The following PAK2 variants were observed in gnomAD, a reference collection of about 807,000 sequenced individuals.
PAK2 encodes the protein p21 (RAC1) activated kinase 2.
In PAK2, 21 loss-of-function variants were observed where a neutral mutation model predicts 65.9. That is an observed-to-expected ratio of 0.32 (90% CI 0.23 to 0.46). The LOEUF is 0.46. Ranked by LOEUF, PAK2 falls within the 20% of genes least tolerant of loss-of-function variation. PAK2 has a pLI of 1.00. For missense variants in PAK2, 324 were observed against 642.6 expected, an observed-to-expected ratio of 0.50 and a Z score of 5.36; for synonymous variants, 204 against 219.7, an observed-to-expected ratio of 0.93 and a Z score of 0.63.
intron 4 of PAK2, among the ~76,000 whole-genome samples, chr3:196,804,914 C>T (rs1471370546): frequency 6.6e-6 from 1 of 151,190 alleles, no homozygotes; most frequent in Non-Finnish European, 1.5e-5. Flanking sequence ...AAAAACAAAA[C>T]AATGTCAGAA....
intron 1 of PAK2, among the ~76,000 whole-genome samples, chr3:196,766,438 C>T (rs550213165): frequency 7.1e-4 from 108 of 152,208 alleles, no homozygotes; most frequent in African/African-American, 2.2e-3. Flanking sequence ...AAGAACAGAA[C>T]CAGTGCCAAT....
At chr3:196,759,498 G>GTTTTTGTTTTTTTT (rs1713882169) in intron 1 of PAK2, among the ~76,000 whole-genome samples, 1 of 108,104 alleles carries the variant, frequency 9.3e-6, no homozygotes, top group African/African-American at 3.6e-5. Context: ...GGTTTTTTTT[G>GTTTTTGTTTTTTTT]TTTTTTTTTT....
intron 1 of PAK2, among the ~76,000 whole-genome samples, chr3:196,763,841 T>C (rs1714065813): frequency 6.6e-6 from 1 of 152,164 alleles, no homozygotes; most frequent in Non-Finnish European, 1.5e-5. Context: ...TCACCCAGGC[T>C]GGAGTGCAGT....
In PAK2 at chr3:196,791,480, C is replaced by T. The variant is rs1452350722; in HGVS notation, c.187+8647C>T. On this transcript the variant is annotated intron_variant, in intron 2 of 14. Transcript: ENST00000327134. This position sits in a 1 kb window ranked among gnomAD's most constrained non-coding sequence, Gnocchi z 4.0. ...TTAATATATTTCTCTAAACTCTTAA[C>T]GTTTCCAAGTTGAAGAATATGACTA... Among the ~76,000 whole-genome samples, 3 of 152,106 alleles carry T rather than the reference C, an allele frequency of 2.0e-5. No homozygotes were observed. Among genetic ancestry groups the T allele is most frequent in the Non-Finnish European group, 2.9e-5 (2 of 68,036 alleles).
intron 13 of PAK2, among the ~76,000 whole-genome samples, chr3:196,822,510 G>T (rs145377139): frequency 1.2e-3 from 188 of 152,220 alleles, no homozygotes; most frequent in African/African-American, 4.3e-3. Context: ...GCAACATAGT[G>T]AGTCCCCATC....
intron 14 of PAK2, 51 bp downstream of exon 14, chr3:196,827,384 C>A: frequency 1.3e-6 from 2 of 1,573,176 alleles, no homozygotes; most frequent in Admixed American, 3.8e-5. Context: ...TTTTTGGTAA[C>A]CGACAGAAAG....
In PAK2 at chr3:196,791,225, CTT is replaced by C. The variant is rs1169316625; in HGVS notation, c.187+8396_187+8397del. Among the ~76,000 whole-genome samples the C allele has an allele frequency of 1.3e-5, 2 of 152,102 alleles. No individual in the cohort carries two copies. Among genetic ancestry groups the C allele is most frequent in the African/African-American group, 4.8e-5 (2 of 41,436 alleles). On this transcript the variant is annotated intron_variant, in intron 2 of 14. Transcript: ENST00000327134. The surrounding 1 kb of genome is among the most constrained non-coding windows in gnomAD (Gnocchi z 4.0). ...TTCAATTCCAGACATGCTTTAGTATCTTTTTGTTTTAGACACTGTTTCTAATA... is the reference window on the plus strand; with the variant it reads ...TTCAATTCCAGACATGCTTTAGTATCTTTGTTTTAGACACTGTTTCTAATA...
At chr3:196,826,038 G>A (rs528503180) in intron 13 of PAK2, among the ~76,000 whole-genome samples, 7 of 150,548 alleles carry the variant, frequency 4.6e-5, no homozygotes, top group East Asian at 2.0e-4. Context: ...TTTTAGTAGC[G>A]ATGGGGTTTT....
At chr3:196,759,253 A>G (rs1278013072) in intron 1 of PAK2, among the ~76,000 whole-genome samples, 4 of 152,068 alleles carry the variant, frequency 2.6e-5, no homozygotes, top group Admixed American at 6.6e-5. Context: ...TTATTTCTAG[A>G]ACTCTTCTTT....
chr3:196,764,511 C>T (rs1313684681), intron 1 of PAK2, among the ~76,000 whole-genome samples: 2 of 151,144 alleles, frequency 1.3e-5, no homozygotes, highest in South Asian at 2.1e-4. Context: ...CCCAGCTACT[C>T]GGGAGGCTGA....
chr3:196,742,877 G>C (rs1374814508), intron 1 of PAK2, among the ~76,000 whole-genome samples: 3 of 152,150 alleles, frequency 2.0e-5, no homozygotes, highest in Non-Finnish European at 4.4e-5. Flanking sequence ...TCGAGATCGC[G>C]CCACTGCACT....
chr3:196,805,736 A>AT (rs953979067), intron 5 of PAK2, among the ~76,000 whole-genome samples: 2 of 152,106 alleles, frequency 1.3e-5, no homozygotes, highest in African/African-American at 4.8e-5. Context: ...GACTGTGGAA[A>AT]GGTGCTGAAC....
At chr3:196,822,250 C>A (rs1404484895) in intron 13 of PAK2, among the ~76,000 whole-genome samples, 1 of 152,182 alleles carries the variant, frequency 6.6e-6, no homozygotes, top group African/African-American at 2.4e-5. Flanking sequence ...TAAAAGAACC[C>A]ACAAAAATTC....
At chr3:196,816,670 G>A (rs985701800) in intron 11 of PAK2, among the ~76,000 whole-genome samples, 2 of 152,136 alleles carry the variant, frequency 1.3e-5, no homozygotes, top group Non-Finnish European at 2.9e-5. Context: ...ATGAATAGTA[G>A]AAGATTTTGG....
At chr3:196,815,407 G>A (rs183571336) in intron 11 of PAK2, among the ~76,000 whole-genome samples, 18 of 151,250 alleles carry the variant, frequency 1.2e-4, no homozygotes, top group Non-Finnish European at 1.9e-4. Context: ...CGGGAGAATC[G>A]CTTGAGCTGA....
chr3:196,812,096 A>G, intron 8 of PAK2, 123 bp from the exon 9 acceptor site: 1 of 598,234 alleles, frequency 1.7e-6, no homozygotes, highest in South Asian at 2.1e-5. Flanking sequence ...TACTCCTTTT[A>G]AGCACGTTAG....
chr3:196,810,863 A>AT (rs1224279620), intron 8 of PAK2, among the ~76,000 whole-genome samples: 2 of 151,870 alleles, frequency 1.3e-5, no homozygotes, highest in African/African-American at 2.4e-5. Context: ...GTGTATCATT[A>AT]TTTTTTCTTA....
At chr3:196,772,198 A>G (rs1425247636) in intron 1 of PAK2, among the ~76,000 whole-genome samples, 3 of 152,072 alleles carry the variant, frequency 2.0e-5, no homozygotes, top group Admixed American at 1.3e-4. Context: ...TATGTGCATT[A>G]TAGCCTTTTT....
intron 1 of PAK2, among the ~76,000 whole-genome samples, chr3:196,747,512 T>C (rs1246957129): frequency 6.6e-6 from 1 of 152,188 alleles, no homozygotes; most frequent in Admixed American, 6.5e-5. Flanking sequence ...TTCTATTCAC[T>C]CATATTTTCT....
Sources: allele counts gnomAD v4.1 joint callset (sites outside exome capture counted in the v4.1 genomes callset), GRCh38; gene constraint gnomAD v4.1.1; non-coding constraint Gnocchi (gnomAD v3.1); transcripts MANE v1.5; gene names NCBI Gene and HGNC (gene_info 2026-07-23, HGNC 2026-07-21).